TCEA1: variants seen among roughly 807,000 people sequenced by gnomAD.
TCEA1 encodes transcription elongation factor A1, also known as transcription elongation factor A protein 1.
TCEA1 carries 21 observed loss-of-function variants against 43.8 expected under a neutral mutation model. The observed-to-expected ratio is 0.48, with a 90% confidence interval of 0.34 to 0.69. The LOEUF is 0.69. TCEA1 is among the 30% of genes least tolerant of loss of function. The probability of loss-of-function intolerance (pLI) is 0.01; values close to 1 mark genes in which losing one functional copy is unlikely to be tolerated. For missense variants in TCEA1, 250 were observed against 365.1 expected (o/e 0.68, Z 2.57); for synonymous variants, 104 against 117.5 (o/e 0.88, Z 0.75).
chr8:53,975,183 A>G (rs1252576856), intron 8 of TCEA1, among the ~76,000 whole-genome samples: 1 of 152,190 alleles, frequency 6.6e-6, no homozygotes, highest in Non-Finnish European at 1.5e-5. Flanking sequence ...TATGGTAGCT[A>G]AGTTAAAAGA....
Position 54,010,385 on chromosome 8 carries a change from TGAC to T in TCEA1, c.126+42_126+44del, listed in dbSNP as rs757159448. 31 of 1,449,834 alleles carry T rather than the reference TGAC, an allele frequency of 2.1e-5. No individual in the cohort carries two copies. The African/African-American group carries it at 2.7e-4, about 13-fold the overall frequency. 89.8% of individuals were successfully genotyped at this position (1,449,834 alleles called of 1,614,324 possible). A position where few individuals can be genotyped will look rare whatever the true frequency, so the allele number is the denominator to read the frequency against. ...GTACTGAAGATGTTTTGGTATTTTA[TGAC>T]GACTACCTATTAAAAAAACTTTGAT... On this transcript the variant is annotated intron_variant, in intron 2 of 9. Coordinates refer to ENST00000521604, the MANE Select transcript of TCEA1 (RefSeq NM_006756.4).
chr8:53,979,007 C>T lies in TCEA1; in HGVS notation c.825+18G>A. On this transcript the variant is annotated intron_variant, in intron 8 of 9. Coordinates refer to ENST00000521604, the MANE Select transcript of TCEA1 (RefSeq NM_006756.4). The stretch of plus-strand genomic sequence containing the variant: ...AGCATTTTTATATAAAAATAAGAAT[C>T]TATAAACAATCACAAACCTGTGTGT... 6.3e-7 allele frequency: 1 copy of T among 1,591,276 alleles called. No homozygotes were observed.
chr8:53,993,360 C>A, intron 4 of TCEA1: 1 of 195,200 alleles, frequency 5.1e-6, no homozygotes, highest in Non-Finnish European at 1.0e-5. Flanking sequence ...GAGGAAGCAA[C>A]CATTTGAATC....
intron 2 of TCEA1, chr8:54,002,911 C>A (rs1014660139): frequency 4.4e-6 from 2 of 456,244 alleles, no homozygotes; most frequent in East Asian, 1.4e-4. Flanking sequence ...GTGGAGAGTG[C>A]ATTAAGCAGC....
At position 53,976,557 on chromosome 8, in the gene TCEA1, T is replaced by C. The variant is rs187331598; in HGVS notation, c.825+2468A>G. 3.1e-4 allele frequency among the ~76,000 whole-genome samples: 47 copies of C among 152,328 alleles called. No homozygotes were observed. The East Asian group carries it at 8.5e-3, about 27-fold the overall frequency. ...GTGATTCTAAGAAAATCATACTGGC[T>C]CCAACTTTAGGCTGGGTTCCTTTTG... On this transcript the variant is annotated intron_variant, in intron 8 of 9. Coordinates refer to ENST00000521604, the MANE Select transcript of TCEA1 (RefSeq NM_006756.4).
chr8:53,968,161 G>A, intron 9 of TCEA1, 49 bp from the exon 10 acceptor site: 1 of 1,441,004 alleles, frequency 6.9e-7, no homozygotes, highest in Non-Finnish European at 9.5e-7. Flanking sequence ...TACCAATAAG[G>A]TACATTCCCC....
At chr8:54,008,661 TA>T (rs60281426) in intron 2 of TCEA1, among the ~76,000 whole-genome samples, 42,083 of 132,220 alleles carry the variant, frequency 0.32, 8,483 homozygotes, top group East Asian at 0.73. Flanking sequence ...GACCTTATCT[TA>T]AAAAAAAAAA....
At chr8:54,011,232 C>T (rs967246126) in intron 1 of TCEA1, among the ~76,000 whole-genome samples, 3 of 152,194 alleles carry the variant, frequency 2.0e-5, no homozygotes, top group Non-Finnish European at 2.9e-5. Context: ...AAAAGTACTT[C>T]ACATTCAGAA....
intron 2 of TCEA1, among the ~76,000 whole-genome samples, chr8:54,008,875 A>T (rs1253474948): frequency 6.8e-6 from 1 of 147,402 alleles, no homozygotes; most frequent in African/African-American, 2.5e-5. Flanking sequence ...TTTGAGACAG[A>T]GTCTCACTTT....
chr8:54,001,376 C>G (rs1321500825), intron 2 of TCEA1, among the ~76,000 whole-genome samples: 2 of 152,124 alleles, frequency 1.3e-5, no homozygotes, highest in African/African-American at 4.8e-5. Flanking sequence ...TCTCAACAAA[C>G]AGATTCAGGA....
At chr8:53,975,873 G>A (rs921293632) in intron 8 of TCEA1, among the ~76,000 whole-genome samples, 1 of 152,032 alleles carries the variant, frequency 6.6e-6, no homozygotes, top group African/African-American at 2.4e-5. Flanking sequence ...GTTAAGTTGG[G>A]AAATTTTAGG....
At chr8:53,979,532 T>C (rs992649209) in intron 7 of TCEA1, among the ~76,000 whole-genome samples, 2 of 152,192 alleles carry the variant, frequency 1.3e-5, no homozygotes, top group Non-Finnish European at 1.5e-5. Context: ...AAGTTAACCA[T>C]GGAAGGAATT....
intron 8 of TCEA1, chr8:53,971,925 C>G (rs1803168862): frequency 5.5e-6 from 1 of 182,394 alleles, no homozygotes; most frequent in Non-Finnish European, 1.1e-5. Context: ...TAAGATAGCT[C>G]CCAACATAAG....
At chr8:54,012,382 A>C (rs1804678433) in intron 1 of TCEA1, among the ~76,000 whole-genome samples, 1 of 152,168 alleles carries the variant, frequency 6.6e-6, no homozygotes, top group Admixed American at 6.5e-5. Flanking sequence ...CAAGATAGTG[A>C]AACCCTGTCT....
At chr8:54,013,920 C>A (rs1237023393) in intron 1 of TCEA1, among the ~76,000 whole-genome samples, 2 of 152,086 alleles carry the variant, frequency 1.3e-5, no homozygotes, top group Non-Finnish European at 2.9e-5. Context: ...TGTCAAGAAA[C>A]TTGCACAAGG....
At chr8:53,993,973 C>A (rs1219095433) in intron 3 of TCEA1, among the ~76,000 whole-genome samples, 1 of 152,174 alleles carries the variant, frequency 6.6e-6, no homozygotes, top group African/African-American at 2.4e-5. Context: ...ACTACAAATT[C>A]ACATGCCATG....
chr8:53,984,383 A>G lies in TCEA1; in HGVS notation c.658T>C (p.Phe220Leu). The stretch of plus-strand genomic sequence containing the variant: ...CTCACCTCTGCTGTCATTCTAGCAA[A>G]TAAGTCAGGAGGAATATTCCCACAG... ...VLCGNIPPDL[F>L]ARMTAEEMAS... is the part of the protein sequence containing the mutation. The change falls in exon 7 of 10, where the codon TTT becomes CTT. Residue 220 changes from phenylalanine to leucine, a missense_variant. By Grantham distance (22) the Phe-to-Leu change is conservative. Around this residue, in one of 4 missense-constraint regions of TCEA1, gnomAD observed 46 missense variants for 109.8 expected, o/e 0.42. Transcript: ENST00000521604. The G allele has an allele frequency of 6.2e-7, 1 of 1,600,324 alleles. No individual in the cohort carries two copies. Among genetic ancestry groups the G allele is most frequent in the Non-Finnish European group, 8.5e-7 (1 of 1,175,424 alleles).
intron 1 of TCEA1, among the ~76,000 whole-genome samples, chr8:54,018,766 T>C (rs756266122): frequency 1.3e-5 from 2 of 152,206 alleles, no homozygotes; most frequent in Admixed American, 6.5e-5. Flanking sequence ...GGTCAGGATA[T>C]TGATCTAGGT....
At chr8:54,007,613 T>C (rs1793580709) in intron 2 of TCEA1, among the ~76,000 whole-genome samples, 1 of 152,268 alleles carries the variant, frequency 6.6e-6, no homozygotes, top group South Asian at 2.1e-4. Flanking sequence ...TCGTAAATAC[T>C]GGTAATACAA....
Sources: allele counts gnomAD v4.1 joint callset (sites outside exome capture counted in the v4.1 genomes callset), GRCh38; gene constraint gnomAD v4.1.1; regional missense constraint gnomAD v4.1.1; transcripts MANE v1.5; gene names NCBI Gene and HGNC (gene_info 2026-07-23, HGNC 2026-07-21).